Variants in MTMR3 observed in about 807,000 individuals in gnomAD.
The protein encoded by MTMR3 is phosphatidylinositol-3,5-bisphosphate 3-phosphatase MTMR3.
Under a neutral mutation model 132.4 loss-of-function variants are expected in MTMR3, and 32 were observed. That is an observed-to-expected ratio of 0.24 (90% CI 0.18 to 0.32). MTMR3 has a LOEUF of 0.32. Among genes scored for constraint, MTMR3 ranks in the 10% least tolerant of loss-of-function variants. The pLI is 1.00. For synonymous variants in MTMR3, 556 were observed against 550.3 expected, an observed-to-expected ratio of 1.01 and a Z score of -0.14; for missense variants, 1,216 against 1,489.6, an observed-to-expected ratio of 0.82 and a Z score of 3.02.
chr22:29,964,530 T>G (rs1191130027), intron 2 of MTMR3, among the ~76,000 whole-genome samples: 2 of 152,216 alleles, frequency 1.3e-5, no homozygotes, highest in Non-Finnish European at 2.9e-5. Flanking sequence ...CCTCTTACTT[T>G]GAACTATTTT....
At chr22:29,942,590 G>A (rs1443614549) in intron 1 of MTMR3, among the ~76,000 whole-genome samples, 4 of 152,004 alleles carry the variant, frequency 2.6e-5, no homozygotes, top group Non-Finnish European at 5.9e-5. Context: ...CCTCCGCTAC[G>A]ACCGTAAAAG....
rs1212774605 is a variant in MTMR3 at position 30,029,119 on chromosome 22, A to G, written c.*3318A>G. ...CCAAGGCAAGGAATTGCCCTGAGGG[A>G]GGTGGCTGCATATGGAGAAAGGCAG... On this transcript the variant is annotated 3_prime_UTR_variant, in exon 20 of 20. Coordinates refer to ENST00000401950, the MANE Select transcript of MTMR3 (RefSeq NM_021090.4). 1.3e-5 allele frequency: 2 copies of G among 152,290 alleles called. No homozygotes were observed. Among genetic ancestry groups the G allele is most frequent in the Non-Finnish European group, 2.9e-5 (2 of 68,054 alleles). 9.4% of individuals were successfully genotyped at this position (152,290 alleles called of 1,614,324 possible). A position where few individuals can be genotyped will look rare whatever the true frequency, so the allele number is the denominator to read the frequency against.
At chr22:29,928,562 C>T (rs919764689) in intron 1 of MTMR3, among the ~76,000 whole-genome samples, 1 of 151,882 alleles carries the variant, frequency 6.6e-6, no homozygotes, top group African/African-American at 2.4e-5. Flanking sequence ...TCTCTTTCTT[C>T]TTTTTAAATA....
Position 30,019,581 on chromosome 22 carries a change from G to C in MTMR3, c.1922G>C (p.Trp641Ser). The change falls in exon 17 of 20, where the codon TGG becomes TCG. Residue 641 changes from tryptophan (W) to serine (S), a missense_variant. By Grantham distance (177) the Trp-to-Ser change is radical. This residue lies in a region of MTMR3 where 852 missense variants were observed against 852.0 expected (regional missense o/e 1.00). Coordinates refer to ENST00000401950, the MANE Select transcript of MTMR3 (RefSeq NM_021090.4). Reference protein sequence around the residue: ...RCSDPSLNEKWQEHRRSLELS... With the variant: ...RCSDPSLNEKSQEHRRSLELS... ...AGCGACCCCAGCCTGAACGAGAAGT[G>C]GCAGGAGCACCGGCGCTCACTAGAG... 1 of 1,613,898 alleles carries C rather than the reference G, an allele frequency of 6.2e-7. No individual in the cohort carries two copies. Among genetic ancestry groups the C allele is most frequent in the Non-Finnish European group, 8.5e-7 (1 of 1,180,046 alleles).
chr22:30,002,049 C>T (rs1248075657), intron 8 of MTMR3: 1 of 152,168 alleles, frequency 6.6e-6, no homozygotes, highest in Non-Finnish European at 1.5e-5. Flanking sequence ...ATTGCCTTCA[C>T]TATTGAAAAA....
intron 1 of MTMR3, among the ~76,000 whole-genome samples, chr22:29,926,375 C>T (rs943120409): frequency 1.3e-5 from 2 of 152,140 alleles, no homozygotes; most frequent in Non-Finnish European, 2.9e-5. Flanking sequence ...TGGGGACACA[C>T]GTTTTCAGTT....
intron 17 of MTMR3, 62 bp from the exon 18 acceptor site, chr22:30,021,967 C>G: frequency 7.5e-7 from 1 of 1,335,138 alleles, no homozygotes; most frequent in South Asian, 1.2e-5. Flanking sequence ...CTTCACCAGG[C>G]CTTTTCTTCT....
intron 6 of MTMR3, chr22:29,991,023 G>T (rs1386024472): frequency 1.3e-5 from 2 of 152,344 alleles, no homozygotes; most frequent in African/African-American, 4.8e-5. Context: ...CTGTCTTTTG[G>T]ATCTGATTTG....
chr22:29,889,401 C>G (rs920947012), intron 1 of MTMR3, among the ~76,000 whole-genome samples: 1 of 151,202 alleles, frequency 6.6e-6, no homozygotes, highest in Non-Finnish European at 1.5e-5. Context: ...ATTCTGCTGC[C>G]TTAGCCTCCT....
At chr22:29,886,727 A>G (rs928620544) in intron 1 of MTMR3, among the ~76,000 whole-genome samples, 1 of 152,242 alleles carries the variant, frequency 6.6e-6, no homozygotes, top group Non-Finnish European at 1.5e-5. Context: ...ATTGTCCAAA[A>G]GTGCTTCCGA....
At chr22:29,897,119 C>T (rs1228436154) in intron 1 of MTMR3, among the ~76,000 whole-genome samples, 7 of 147,122 alleles carry the variant, frequency 4.8e-5, no homozygotes, top group African/African-American at 7.6e-5. Flanking sequence ...CTCGCTCTGT[C>T]GCCAGGCTGG....
chr22:30,025,398 G>T, intron 19 of MTMR3: 1 of 566,712 alleles, frequency 1.8e-6, no homozygotes, highest in Non-Finnish European at 3.2e-6. Context: ...TTGAGTCAGT[G>T]GTGAGGCAGC....
At chr22:29,899,947 GA>G (rs1454125915) in intron 1 of MTMR3, among the ~76,000 whole-genome samples, 2 of 151,656 alleles carry the variant, frequency 1.3e-5, no homozygotes, top group Non-Finnish European at 2.9e-5. Flanking sequence ...AAATTTTAAA[GA>G]ACGTAATCTG....
At chr22:29,889,401 C>T (rs920947012) in intron 1 of MTMR3, among the ~76,000 whole-genome samples, 1 of 151,202 alleles carries the variant, frequency 6.6e-6, no homozygotes, top group South Asian at 2.1e-4. Flanking sequence ...ATTCTGCTGC[C>T]TTAGCCTCCT....
chr22:30,007,277 C>T lies in MTMR3; in HGVS notation c.835C>T (p.Arg279Ter), dbSNP rs724159917. 1 of 1,614,064 alleles carries T rather than the reference C, an allele frequency of 6.2e-7. No individual in the cohort carries two copies. The highest frequency in any genetic ancestry group is 8.5e-7 in the Non-Finnish European group (1 of 1,180,044). The part of the protein sequence containing the change: ...GSKLSTRNTS[R>*]DFPNGGDLSD... Reference sequence around the variant, plus strand: ...CAAGCTGTCAACTAGGAACACTTCTCGAGACTTTCCCAATGGGGGAGACCT... The same window carrying T: ...CAAGCTGTCAACTAGGAACACTTCTTGAGACTTTCCCAATGGGGGAGACCT... The change falls in exon 10 of 20, where the codon CGA becomes TGA. Residue 279 changes from arginine to a stop codon, truncating the protein, a stop_gained. Transcript: ENST00000401950. LOFTEE classifies it high-confidence loss of function.
chr22:29,940,773 G>C (rs951272735), intron 1 of MTMR3, among the ~76,000 whole-genome samples: 1 of 149,956 alleles, frequency 6.7e-6, no homozygotes, highest in African/African-American at 2.5e-5. Flanking sequence ...ATATGGACTT[G>C]ATCTCCTTGG....
chr22:29,952,529 C>T (rs190785270), intron 1 of MTMR3, among the ~76,000 whole-genome samples: 23 of 152,114 alleles, frequency 1.5e-4, no homozygotes, highest in African/African-American at 5.3e-4. Flanking sequence ...GAAAAAGTCA[C>T]ACTAGGAGCG....
rs76154871 is a variant in MTMR3 at position 29,956,703 on chromosome 22, G to A, written c.-137-333G>A. Among the ~76,000 whole-genome samples the A allele has an allele frequency of 4.5e-3, 681 of 152,244 alleles. 6 individuals are homozygous for A. The highest frequency in any genetic ancestry group is 0.015 in the African/African-American group (643 of 41,534). On this transcript the variant is annotated intron_variant, in intron 1 of 19. Coordinates refer to ENST00000401950, the MANE Select transcript of MTMR3 (RefSeq NM_021090.4). Reference sequence around the variant, plus strand: ...TTAGTTTTGTAAAGTACCTGTTCCTGTATTGGCAACGATTTACCCAAGAAG... The same window carrying A: ...TTAGTTTTGTAAAGTACCTGTTCCTATATTGGCAACGATTTACCCAAGAAG...
rs146251570 is a variant in MTMR3, at chr22:29,884,395, G to C, written c.-138+1036G>C. On this transcript the variant is annotated intron_variant, in intron 1 of 19. Coordinates refer to ENST00000401950, the MANE Select transcript of MTMR3 (RefSeq NM_021090.4). Reference sequence around the variant, plus strand: ...AGATTATTATTATTTTTTTCAATGTGAAATGTTTGTGATTTGTCCATGGAG... The same window carrying C: ...AGATTATTATTATTTTTTTCAATGTCAAATGTTTGTGATTTGTCCATGGAG... 4.4e-3 allele frequency among the ~76,000 whole-genome samples: 676 copies of C among 152,164 alleles called. 6 individuals are homozygous for C. The highest frequency in any genetic ancestry group is 0.015 in the African/African-American group (639 of 41,500).
Sources: gnomAD v4.1 joint callset for allele counts (sites outside exome capture counted in the v4.1 genomes callset) on GRCh38, gnomAD v4.1.1 for gene constraint, gnomAD v4.1.1 regional missense constraint, MANE v1.5 for transcripts, NCBI Gene and HGNC (gene_info 2026-07-23, HGNC 2026-07-21) for gene names.